DENND3: variants seen among roughly 807,000 people sequenced by gnomAD.
The protein encoded by DENND3 is DENN domain containing 3, also known as DENN domain-containing protein 3.
A neutral mutation model predicts 135.1 loss-of-function variants in DENND3; 88 were observed. The observed-to-expected ratio is 0.65, with a 90% CI of 0.55 to 0.78. DENND3 has a LOEUF of 0.78. Ranked by LOEUF, DENND3 falls within the 30% of genes least tolerant of loss-of-function variation. The pLI is 0.00. For missense variants in DENND3, 1,392 were observed against 1,688.4 expected, an observed-to-expected ratio of 0.82 and a Z score of 3.08; for synonymous variants, 693 against 712.3, an observed-to-expected ratio of 0.97 and a Z score of 0.43.
intron 20 of DENND3, 98 bp downstream of exon 20, chr8:141,190,515 G>A (rs989882465): frequency 3.0e-5 from 43 of 1,422,892 alleles, no homozygotes; most frequent in Middle Eastern, 5.2e-4. Context: ...TTTGCTTCAC[G>A]CCTTTCCAGT....
In DENND3 at chr8:141,139,245, G is replaced by A. The variant is rs559991291; in HGVS notation, c.501+1108G>A. On this transcript the variant is annotated intron_variant, in intron 3 of 22. Coordinates refer to ENST00000519811, the MANE Select transcript of DENND3 (RefSeq NM_001352890.3). The surrounding 1 kb of genome is among the most constrained non-coding windows in gnomAD (Gnocchi z 4.2). ...GACACGTGTTTTTGTTGGTAGAAGC[G>A]TGCTTACACATGTGACATTGAGTGT... 1.1e-4 allele frequency among the ~76,000 whole-genome samples: 16 copies of A among 152,248 alleles called. No homozygotes were observed. Among genetic ancestry groups the A allele is most frequent in the Admixed American group, 3.3e-4 (5 of 15,288 alleles).
rs1407496212 is a variant in DENND3, at chr8:141,137,909, C to T, written c.386-113C>T. ...TGAACCCGCCTTGGACATGAAGGCA[C>T]CACCACTGCTAACTGTGGAGGTGTG... On this transcript the variant is annotated intron_variant, in intron 2 of 22. Coordinates refer to ENST00000519811, the MANE Select transcript of DENND3 (RefSeq NM_001352890.3). The surrounding 1 kb of genome is among the most constrained non-coding windows in gnomAD (Gnocchi z 4.1). 3 of 1,057,746 alleles carry T rather than the reference C, an allele frequency of 2.8e-6. No individual in the cohort carries two copies. The African/African-American group carries it at 4.8e-5, about 17-fold the overall frequency. The allele number at this position is 1,057,746 out of a possible 1,614,324, so 65.5% of individuals were successfully genotyped here.
At chr8:141,143,729 C>T (rs1817735037) in intron 4 of DENND3, among the ~76,000 whole-genome samples, 1 of 152,094 alleles carries the variant, frequency 6.6e-6, no homozygotes. Flanking sequence ...AAATTGTATA[C>T]AGTACTTTAA....
intron 10 of DENND3, among the ~76,000 whole-genome samples, chr8:141,164,533 G>A (rs987218158): frequency 3.3e-5 from 5 of 152,196 alleles, no homozygotes; most frequent in Non-Finnish European, 7.3e-5. Context: ...AGGGCCCTCC[G>A]CCTTGGCTGT....
In DENND3 at chr8:141,137,571, T is replaced by A. The variant is rs1339626463; in HGVS notation, c.386-451T>A. On this transcript the variant is annotated intron_variant, in intron 2 of 22. Coordinates refer to ENST00000519811, the MANE Select transcript of DENND3 (RefSeq NM_001352890.3). This position sits in a 1 kb window ranked among gnomAD's most constrained non-coding sequence, Gnocchi z 4.1. Reference sequence around the variant, plus strand: ...TGGGGCAAGAAGCACAGGCCTGCACTTAGTCCCCAGGCTCGCCAGTTCCAG... The same window carrying A: ...TGGGGCAAGAAGCACAGGCCTGCACATAGTCCCCAGGCTCGCCAGTTCCAG... Among the ~76,000 whole-genome samples, 3 of 152,174 alleles carry A rather than the reference T, an allele frequency of 2.0e-5. No homozygotes were observed. Among genetic ancestry groups the A allele is most frequent in the Non-Finnish European group, 4.4e-5 (3 of 68,028 alleles).
chr8:141,133,779 AGAG>A (rs1002864284), intron 1 of DENND3, among the ~76,000 whole-genome samples: 42 of 152,278 alleles, frequency 2.8e-4, no homozygotes, highest in African/African-American at 9.9e-4. Context: ...TGTTTGTTGC[AGAG>A]GAGAACACAG....
Position 141,155,942 on chromosome 8 carries a change from C to T in DENND3, c.1168C>T (p.Leu390Phe). Residue 390 changes from leucine (L) to phenylalanine (F), a missense_variant, in exon 8 of 23, where the codon CTC becomes TTC. Coordinates refer to ENST00000519811, the MANE Select transcript of DENND3 (RefSeq NM_001352890.3). ...DDNVDIPDVPLLAAQTFIQRV... is the reference protein window; with the variant it reads ...DDNVDIPDVPFLAAQTFIQRV... ...TAACGTGGACATTCCTGATGTCCCC[C>T]TCCTGGCAGCCCAGACGTTTATTCA... 1.9e-6 allele frequency: 3 copies of T among 1,612,230 alleles called. No individual in the cohort carries two copies. The highest frequency in any genetic ancestry group is 1.1e-5 in the South Asian group (1 of 90,772).
intron 17 of DENND3, chr8:141,184,514 C>T (rs1823630710): frequency 6.6e-6 from 1 of 152,208 alleles, no homozygotes; most frequent in African/African-American, 2.4e-5. Context: ...ATAACAGCCA[C>T]AAACTAGGGA....
At chr8:141,185,830 G>A (rs576044466) in intron 18 of DENND3, among the ~76,000 whole-genome samples, 1 of 151,744 alleles carries the variant, frequency 6.6e-6, no homozygotes, top group South Asian at 2.1e-4. Flanking sequence ...GTCTCAAACA[G>A]ACAAATAATA....
Position 141,141,892 on chromosome 8 carries a change from A to G in DENND3, c.623+568A>G. 5.4e-6 allele frequency: 1 copy of G among 186,530 alleles called. No homozygotes were observed. Among genetic ancestry groups the G allele is most frequent in the Non-Finnish European group, 1.1e-5 (1 of 87,650 alleles). The allele number at this position is 186,530 out of a possible 1,614,324, so 11.6% of individuals were successfully genotyped here. ...ACCCTGTCTCTAAAAAACAATTTAA[A>G]AACTAGTTGGGCATGGTGGTGTGTG... On this transcript the variant is annotated intron_variant, in intron 4 of 22. Coordinates refer to ENST00000519811, the MANE Select transcript of DENND3 (RefSeq NM_001352890.3). This position sits in a 1 kb window ranked among gnomAD's most constrained non-coding sequence, Gnocchi z 5.3.
chr8:141,175,524 G>A lies in DENND3; in HGVS notation c.2535+65G>A, dbSNP rs776887766. On this transcript the variant is annotated intron_variant, in intron 14 of 22. Coordinates refer to ENST00000519811, the MANE Select transcript of DENND3 (RefSeq NM_001352890.3). The surrounding 1 kb of genome is among the most constrained non-coding windows in gnomAD (Gnocchi z 5.4). Reference sequence around the variant, plus strand: ...TGTTTAGGAGACAGATGGCTGGAGTGGGCCCTGAGCAGTCTGCCAGCCATG... The same window carrying A: ...TGTTTAGGAGACAGATGGCTGGAGTAGGCCCTGAGCAGTCTGCCAGCCATG... 1.2e-6 allele frequency: 2 copies of A among 1,610,922 alleles called. No homozygotes were observed. The highest frequency in any genetic ancestry group is 1.3e-5 in the African/African-American group (1 of 74,906).
chr8:141,145,835 A>AT (rs1569555468), intron 5 of DENND3, among the ~76,000 whole-genome samples: 1 of 29,946 alleles, frequency 3.3e-5, no homozygotes, highest in African/African-American at 3.3e-4. Context: ...ATATATATAT[A>AT]TATATATATA....
intron 22 of DENND3, chr8:141,193,614 G>A (rs1569557240): frequency 1.2e-5 from 2 of 167,186 alleles, no homozygotes; most frequent in South Asian, 1.6e-4. Context: ...GGCGGAATTC[G>A]TTTAGTGTTT....
chr8:141,151,987 A>C, intron 7 of DENND3, 150 bp downstream of exon 7: 2 of 971,944 alleles, frequency 2.1e-6, no homozygotes, highest in Admixed American at 4.5e-5. Flanking sequence ...GTGGCTGTTC[A>C]CTCACTGTGT....
chr8:141,150,308 A>G lies in DENND3; in HGVS notation c.736-526A>G, dbSNP rs549911923. 3.7e-3 allele frequency: 4,769 copies of G among 1,283,592 alleles called. 7 individuals carry two copies. The highest frequency in any genetic ancestry group is 5.9e-3 in the Admixed American group (243 of 41,392). The allele number at this position is 1,283,592 out of a possible 1,614,324, so 79.5% of individuals were successfully genotyped here. ...CAGGTCCAGCCGTGTCTCAGTAGCC[A>G]TTCTGTGAATACAGAATTTGAACTG... On this transcript the variant is annotated intron_variant, in intron 5 of 22. Transcript: ENST00000519811.
chr8:141,185,460 T>C, intron 18 of DENND3, 182 bp downstream of exon 18: 1 of 741,792 alleles, frequency 1.3e-6, no homozygotes, highest in Non-Finnish European at 2.1e-6. Context: ...TGTTCCAAAC[T>C]TCTACTTACA....
Position 141,167,986 on chromosome 8 carries a change from TC to T in DENND3, c.1754-13del, listed in dbSNP as rs374424263. On this transcript the variant is annotated splice_polypyrimidine_tract_variant and intron_variant, in intron 12 of 22. Transcript: ENST00000519811. The surrounding 1 kb of genome is among the most constrained non-coding windows in gnomAD (Gnocchi z 4.1). ...AAGGTCTGTGCTAATGGTCTCCTTT[TC>T]CCCCTGAATGTTTTAGTTCTGAATG... 1.1e-3 allele frequency: 1,802 copies of T among 1,595,346 alleles called. 27 individuals carry two copies. In the African/African-American group the frequency reaches 0.022, roughly 19 times the overall value.
intron 7 of DENND3, among the ~76,000 whole-genome samples, chr8:141,155,551 G>A (rs1402955153): frequency 6.6e-6 from 1 of 151,908 alleles, no homozygotes; most frequent in East Asian, 1.9e-4. Flanking sequence ...CCATAGGCAT[G>A]TGCTACCACA....
chr8:141,170,764 C>T (rs1239382309), intron 13 of DENND3, among the ~76,000 whole-genome samples: 1 of 152,236 alleles, frequency 6.6e-6, no homozygotes, highest in Non-Finnish European at 1.5e-5. Context: ...CTGTCTCTCA[C>T]ATGACAGGAG....
Sources: gnomAD v4.1 joint callset for allele counts (sites outside exome capture counted in the v4.1 genomes callset) on GRCh38, gnomAD v4.1.1 for gene constraint, Gnocchi (gnomAD v3.1) non-coding constraint, MANE v1.5 for transcripts, NCBI Gene and HGNC (gene_info 2026-07-23, HGNC 2026-07-21) for gene names.